Variants in SANBR observed in about 807,000 individuals in gnomAD.
SANBR encodes SANT and BTB domain regulator of CSR, also known as SANT and BTB domain regulator of class switch recombination.
In SANBR, 77 loss-of-function variants were observed where a neutral mutation model predicts 101.8. That is an observed-to-expected ratio of 0.76 (90% CI 0.63 to 0.91). The LOEUF (loss-of-function observed/expected upper bound fraction) is 0.91, where lower values mean the gene tolerates loss of function less well. SANBR is among the 40% of genes least tolerant of loss of function. The pLI, the probability that SANBR is intolerant of heterozygous loss-of-function variation, is 0.00. For missense variants in SANBR, 875 were observed against 853.0 expected (o/e 1.03, Z -0.32); for synonymous variants, 279 against 274.7 (o/e 1.02, Z -0.15).
chr2:61,071,677 G>C lies in SANBR; in HGVS notation c.222G>C (p.Met74Ile). 6.2e-7 allele frequency: 1 copy of C among 1,603,008 alleles called. No individual in the cohort carries two copies. Among genetic ancestry groups the C allele is most frequent in the East Asian group, 2.3e-5 (1 of 44,312 alleles). The change falls in exon 4 of 22, where the codon ATG becomes ATC. Residue 74 changes from methionine to isoleucine, a missense_variant. Physicochemically the swap from Met to Ile is conservative, Grantham distance 10. Coordinates refer to ENST00000402291, the MANE Select transcript of SANBR (RefSeq NM_001129993.3). ...SPVDNQYNSL[M>I]AAGESPVETL... is the part of the protein sequence containing the mutation. ...TTGACAACCAGTATAATTCCCTAAT[G>C]GCTGCTGGAGAGAGTCCTGTTGAAA...
chr2:61,079,969 G>T (rs78337123), intron 6 of SANBR, among the ~76,000 whole-genome samples: 9,519 of 150,408 alleles, frequency 0.063, 1,040 homozygotes, highest in African/African-American at 0.22. Flanking sequence ...AGGCCGAGGC[G>T]GACGGATCAC....
chr2:61,137,787 T>G (rs1684894450), exon 22 of SANBR: 1 of 152,188 alleles, frequency 6.6e-6, no homozygotes, highest in African/African-American at 2.4e-5. Context: ...AAGTGAACAT[T>G]TCTCTGAATT....
intron 8 of SANBR, among the ~76,000 whole-genome samples, chr2:61,087,330 A>C (rs570814353): frequency 6.6e-6 from 1 of 152,218 alleles, no homozygotes; most frequent in South Asian, 2.1e-4. Flanking sequence ...CCAAAGCAGG[A>C]GGATTACTTG....
chr2:61,091,906 G>A (rs971914491), intron 10 of SANBR, among the ~76,000 whole-genome samples: 4 of 152,072 alleles, frequency 2.6e-5, no homozygotes, highest in African/African-American at 9.7e-5. Context: ...TGTATATTCT[G>A]TATCACTCAA....
chr2:61,082,487 C>A (rs1682185514), intron 7 of SANBR, among the ~76,000 whole-genome samples: 1 of 151,990 alleles, frequency 6.6e-6, no homozygotes, highest in Non-Finnish European at 1.5e-5. Flanking sequence ...TTTCTGCCAC[C>A]CAGGGAAAAG....
At position 61,118,019 on chromosome 2, in the gene SANBR, T is replaced by C. The variant is rs774126762; in HGVS notation, c.1940-9T>C. 8 of 1,606,518 alleles carry C rather than the reference T, an allele frequency of 5.0e-6. No individual in the cohort carries two copies. The highest frequency in any genetic ancestry group is 6.8e-6 in the Non-Finnish European group (8 of 1,175,412). ...TGAAAAGTAAAGTTTACTGTTTTTT[T>C]CCCTTCAGATCAACGGCGAATGACT... On this transcript the variant is annotated splice_polypyrimidine_tract_variant and intron_variant, in intron 19 of 21. Coordinates refer to ENST00000402291, the MANE Select transcript of SANBR (RefSeq NM_001129993.3).
rs537059981 is a variant in SANBR, at chr2:61,100,197, C to T, written c.1365+2345C>T. ...TCAGCTCACTGCAACCTCTGCCTCC[C>T]GGGCTCAAGCGATTCTCCTGCGTCA... is the stretch of plus-strand genomic sequence containing the variant. On this transcript the variant is annotated intron_variant, in intron 12 of 21. Transcript: ENST00000402291. 8.5e-5 allele frequency among the ~76,000 whole-genome samples: 13 copies of T among 152,236 alleles called. No individual in the cohort carries two copies. The South Asian group carries it at 1.9e-3, about 22-fold the overall frequency.
In SANBR at chr2:61,077,010, G is replaced by A. The variant is rs1681822837; in HGVS notation, c.522G>A (p.Lys174=). Residue 174 remains lysine, a synonymous_variant, in exon 6 of 22, where the codon AAG becomes AAA. Transcript: ENST00000402291. The part of the protein sequence containing the change: ...CPRDLLISEM[K]YFAEYLSMDA... ...GAGATCTTTTGATATCAGAAATGAA[G>A]TACTTTGCTGAATATTTATCTATGG... The A allele has an allele frequency of 6.2e-6, 10 of 1,614,068 alleles. No homozygotes were observed. In the East Asian group the frequency reaches 2.0e-4, roughly 32 times the overall value.
chr2:61,088,549 T>A, intron 10 of SANBR, 81 bp downstream of exon 10: 6 of 915,168 alleles, frequency 6.6e-6, no homozygotes, highest in Non-Finnish European at 9.4e-6. Flanking sequence ...AGACGGAGTC[T>A]TACTCTGTCA....
At chr2:61,105,703 C>T (rs1261992709) in intron 13 of SANBR, among the ~76,000 whole-genome samples, 3 of 148,284 alleles carry the variant, frequency 2.0e-5, no homozygotes, top group East Asian at 4.1e-4. Flanking sequence ...GATGGAGTCT[C>T]GCTCTGTCAC....
chr2:61,124,313 C>T, downstream of SANBR: 1 of 925,250 alleles, frequency 1.1e-6, no homozygotes, highest in Non-Finnish European at 1.3e-6. Context: ...CTGAATTATT[C>T]CATCTTCTCA....
intron 13 of SANBR, 32 bp downstream of exon 13, chr2:61,104,030 T>C (rs369844459): frequency 1.3e-6 from 2 of 1,596,324 alleles, no homozygotes; most frequent in Non-Finnish European, 1.7e-6. Context: ...CACTGTATTA[T>C]AGCTTTATTC....
chr2:61,079,662 A>T (rs1681987447), intron 6 of SANBR, among the ~76,000 whole-genome samples: 1 of 152,160 alleles, frequency 6.6e-6, no homozygotes, highest in South Asian at 2.1e-4. Flanking sequence ...AAATTATTCG[A>T]TTCATCATAT....
chr2:61,096,425 C>T (rs1683033378), intron 11 of SANBR, among the ~76,000 whole-genome samples: 1 of 152,184 alleles, frequency 6.6e-6, no homozygotes, highest in Non-Finnish European at 1.5e-5. Context: ...TCCTGGGACT[C>T]AGGGTCCATC....
At chr2:61,094,145 A>G in intron 11 of SANBR, 1 of 841,004 alleles carries the variant, frequency 1.2e-6, no homozygotes, top group Non-Finnish European at 1.4e-6. Context: ...GGTTTGTTGA[A>G]GTATTATATA....
rs1559069266 is a variant in SANBR, at chr2:61,070,512, T to C, written c.150+12T>C. The C allele has an allele frequency of 1.3e-6, 2 of 1,597,968 alleles. No homozygotes were observed. The highest frequency in any genetic ancestry group is 2.3e-5 in the East Asian group (1 of 43,700). On this transcript the variant is annotated intron_variant, in intron 3 of 21. Transcript: ENST00000402291. ...TAACACCAAAAGAGGTAAATAACAG[T>C]CCCCCCAGAATATCTCCTGAAAATG...
At chr2:61,094,071 G>A in intron 11 of SANBR, 1 of 983,500 alleles carries the variant, frequency 1.0e-6, no homozygotes, top group South Asian at 4.7e-5. Flanking sequence ...AAAATCTTCA[G>A]ATTGGGATTT....
intron 3 of SANBR, among the ~76,000 whole-genome samples, 158 bp downstream of exon 3, chr2:61,070,658 T>C (rs1219210997): frequency 6.8e-6 from 1 of 148,092 alleles, no homozygotes; most frequent in Admixed American, 6.8e-5. Context: ...AGATGCAAAT[T>C]ACATAAATTT....
chr2:61,130,369 T>G (rs1023202194), intron 20 of SANBR, among the ~76,000 whole-genome samples: 5 of 152,136 alleles, frequency 3.3e-5, no homozygotes, highest in Admixed American at 3.3e-4. Context: ...AGAGAAAATA[T>G]GAATAGTTCT....
Sources: gnomAD v4.1 joint callset for allele counts (sites outside exome capture counted in the v4.1 genomes callset) on GRCh38, gnomAD v4.1.1 for gene constraint, MANE v1.5 for transcripts, NCBI Gene and HGNC (gene_info 2026-07-23, HGNC 2026-07-21) for gene names.